The following SEPTIN11 variants were observed in gnomAD, a reference collection of about 807,000 sequenced individuals.
The protein encoded by SEPTIN11 is septin 11.
In SEPTIN11, 25 loss-of-function variants were observed where a neutral mutation model predicts 51.4. The observed-to-expected ratio is 0.49, with a 90% CI of 0.35 to 0.68. The LOEUF is 0.68. SEPTIN11 is among the 30% of genes least tolerant of loss of function. SEPTIN11 has a pLI of 0.00. For synonymous variants in SEPTIN11, 174 were observed against 184.1 expected, an observed-to-expected ratio of 0.95 and a Z score of 0.44; for missense variants, 381 against 520.8, an observed-to-expected ratio of 0.73 and a Z score of 2.61.
At chr4:76,985,159 T>G (rs1027060315) in intron 1 of SEPTIN11, 1 of 152,242 alleles carries the variant, frequency 6.6e-6, no homozygotes, top group Non-Finnish European at 1.5e-5. Flanking sequence ...TTACAGGCAT[T>G]AGTCACTTGT....
In SEPTIN11 at chr4:77,038,338, C is replaced by T. The variant is rs1230128752; in HGVS notation, c.*3826C>T. 3 of 985,614 alleles carry T rather than the reference C, an allele frequency of 3.0e-6. No homozygotes were observed. Among genetic ancestry groups the T allele is most frequent in the Non-Finnish European group, 3.6e-6 (3 of 829,822 alleles). 61.1% of individuals were successfully genotyped at this position (985,614 alleles called of 1,614,324 possible). ...TTGTCATTTTGCTGTTTGAAAATAACCAATGTGTTTTCTAAAACTGTCGTG... is the reference window on the plus strand; with the variant it reads ...TTGTCATTTTGCTGTTTGAAAATAATCAATGTGTTTTCTAAAACTGTCGTG... On this transcript the variant is annotated 3_prime_UTR_variant, in exon 10 of 10. Transcript: ENST00000264893.
chr4:76,979,902 A>T (rs1338001497), intron 1 of SEPTIN11, among the ~76,000 whole-genome samples: 2 of 151,704 alleles, frequency 1.3e-5, no homozygotes, highest in Non-Finnish European at 2.9e-5. Flanking sequence ...TATTTTCCTG[A>T]TGGCTGGAGT....
At chr4:76,963,539 C>A (rs1006502539) in intron 1 of SEPTIN11, among the ~76,000 whole-genome samples, 2 of 152,364 alleles carry the variant, frequency 1.3e-5, no homozygotes, top group African/African-American at 4.8e-5. Context: ...ACACTGTTGT[C>A]AGTTTGGAAC....
At chr4:77,016,644 A>ATATATATATATATATATATATATG (rs1725313341) in intron 5 of SEPTIN11, among the ~76,000 whole-genome samples, 2 of 127,646 alleles carry the variant, frequency 1.6e-5, no homozygotes, top group Non-Finnish European at 3.3e-5. Context: ...ATATATATAT[A>ATATATATATATATATATATATATG]TATATATATA....
chr4:77,027,072 A>T (rs890747696), intron 7 of SEPTIN11, among the ~76,000 whole-genome samples: 4 of 152,384 alleles, frequency 2.6e-5, no homozygotes, highest in South Asian at 4.1e-4. Flanking sequence ...TGGCAAGGGC[A>T]AGAGAACTTA....
chr4:77,002,171 GT>G (rs969276558), intron 2 of SEPTIN11, among the ~76,000 whole-genome samples: 2 of 152,124 alleles, frequency 1.3e-5, no homozygotes, highest in African/African-American at 4.8e-5. Context: ...AGGAACAGTG[GT>G]TTTTTTCAAC....
chr4:76,965,752 A>C (rs1722011195), intron 1 of SEPTIN11, among the ~76,000 whole-genome samples: 1 of 152,176 alleles, frequency 6.6e-6, no homozygotes, highest in African/African-American at 2.4e-5. Flanking sequence ...AGTTTAATTT[A>C]GGAGCCAATA....
intron 1 of SEPTIN11, chr4:76,995,835 C>G (rs1250301742): frequency 1.3e-6 from 2 of 1,535,238 alleles, no homozygotes; most frequent in Non-Finnish European, 1.7e-6. Context: ...GTGCTAGGAG[C>G]TACAGGGTGA....
chr4:76,974,660 C>G (rs1424183937), intron 1 of SEPTIN11: 2 of 426,606 alleles, frequency 4.7e-6, no homozygotes, highest in Non-Finnish European at 4.7e-6. Flanking sequence ...TGGAGAAAAC[C>G]CAAACTCCCC....
intron 5 of SEPTIN11, among the ~76,000 whole-genome samples, chr4:77,016,633 C>CGTATATATATATATAT (rs1725283863): frequency 1.4e-5 from 1 of 72,746 alleles, no homozygotes; most frequent in African/African-American, 5.2e-5. Flanking sequence ...TATATATACA[C>CGTATATATATATATAT]ATATATATAT....
At chr4:77,020,807 C>A in intron 7 of SEPTIN11, 137 bp downstream of exon 7, 1 of 755,318 alleles carries the variant, frequency 1.3e-6, no homozygotes, top group Non-Finnish European at 2.1e-6. Flanking sequence ...CATATGTTGT[C>A]AGGCATTGTG....
At chr4:77,018,411 T>C (rs999366295) in intron 5 of SEPTIN11, among the ~76,000 whole-genome samples, 4 of 150,338 alleles carry the variant, frequency 2.7e-5, no homozygotes, top group African/African-American at 9.8e-5. Flanking sequence ...ATCGCGCCAC[T>C]GCACTCCAGC....
intron 4 of SEPTIN11, among the ~76,000 whole-genome samples, chr4:77,013,553 T>C (rs1239920808): frequency 6.6e-6 from 1 of 152,196 alleles, no homozygotes; most frequent in Admixed American, 6.5e-5. Flanking sequence ...ATAAGAACAA[T>C]AGGAAGTTTC....
chr4:77,004,832 A>G (rs183877454), intron 2 of SEPTIN11, among the ~76,000 whole-genome samples: 36 of 152,220 alleles, frequency 2.4e-4, no homozygotes, highest in Middle Eastern at 3.4e-3. Context: ...GTGTGGTGAC[A>G]TGTGCCTGTA....
At chr4:76,974,682 G>T in intron 1 of SEPTIN11, 2 of 445,372 alleles carry the variant, frequency 4.5e-6, no homozygotes, top group Non-Finnish European at 9.0e-6. Flanking sequence ...TCTAGTCACC[G>T]ATCTTGTGTT....
At chr4:76,951,149 C>G (rs1175170143) in intron 1 of SEPTIN11, among the ~76,000 whole-genome samples, 2 of 152,190 alleles carry the variant, frequency 1.3e-5, no homozygotes, top group Non-Finnish European at 2.9e-5. Context: ...GGCTCTTCCC[C>G]CTCTCCCCGC....
chr4:76,957,004 GAGAC>G (rs1721592361), intron 1 of SEPTIN11, among the ~76,000 whole-genome samples: 1 of 82,872 alleles, frequency 1.2e-5, no homozygotes. Context: ...GAGAGAGAGA[GAGAC>G]AGAGACAGAG....
chr4:77,032,945 TC>T (rs1371545035), intron 9 of SEPTIN11, among the ~76,000 whole-genome samples: 1 of 152,236 alleles, frequency 6.6e-6, no homozygotes. Flanking sequence ...TTTCAAAGTT[TC>T]TATGAAGCCT....
chr4:76,979,432 C>T (rs1271598997), intron 1 of SEPTIN11, among the ~76,000 whole-genome samples: 2 of 152,098 alleles, frequency 1.3e-5, no homozygotes, highest in African/African-American at 4.8e-5. Context: ...AGTCAGTTGT[C>T]CAGTTTAGTG....
Sources: allele counts gnomAD v4.1 joint callset (sites outside exome capture counted in the v4.1 genomes callset), GRCh38; gene constraint gnomAD v4.1.1; transcripts MANE v1.5; gene names NCBI Gene and HGNC (gene_info 2026-07-23, HGNC 2026-07-21).